UBE2R2: variants seen among roughly 807,000 people sequenced by gnomAD.
The protein encoded by UBE2R2 is ubiquitin conjugating enzyme E2 R2.
UBE2R2 carries 1 observed loss-of-function variant against 27.8 expected under a neutral mutation model. That is an observed-to-expected ratio of 0.04 (90% CI 0.01 to 0.17). The LOEUF is 0.17. Among genes scored for constraint, UBE2R2 ranks in the 10% least tolerant of loss-of-function variants. The pLI, the probability that UBE2R2 is intolerant of heterozygous loss-of-function variation, is 1.00. For missense variants in UBE2R2, 100 were observed against 291.0 expected (o/e 0.34, Z 4.78); for synonymous variants, 106 against 113.3 (o/e 0.94, Z 0.41).
chr9:33,901,775 T>C (rs754806700), intron 3 of UBE2R2, among the ~76,000 whole-genome samples: 3 of 152,182 alleles, frequency 2.0e-5, no homozygotes, highest in African/African-American at 7.2e-5. Flanking sequence ...AAAATAGATA[T>C]ATTAAAGATT....
At chr9:33,896,498 A>G (rs1371580490) in intron 2 of UBE2R2, among the ~76,000 whole-genome samples, 6 of 151,534 alleles carry the variant, frequency 4.0e-5, no homozygotes. Context: ...TCTGGAGTGC[A>G]GTAATACGAT....
intron 1 of UBE2R2, among the ~76,000 whole-genome samples, chr9:33,821,056 T>C (rs1825973383): frequency 6.6e-6 from 1 of 152,238 alleles, no homozygotes; most frequent in African/African-American, 2.4e-5. Context: ...TAGTTTCTTA[T>C]TTTGCTACCT....
At chr9:33,870,398 C>A (rs1214966330) in intron 1 of UBE2R2, among the ~76,000 whole-genome samples, 1 of 152,182 alleles carries the variant, frequency 6.6e-6, no homozygotes, top group Non-Finnish European at 1.5e-5. Flanking sequence ...CCACCTCGGC[C>A]TCCCAAAATG....
At chr9:33,912,169 C>G (rs1486692408) in intron 4 of UBE2R2, 71 bp downstream of exon 4, 6 of 1,339,060 alleles carry the variant, frequency 4.5e-6, no homozygotes, top group Non-Finnish European at 6.2e-6. Flanking sequence ...GGGTTTAAAT[C>G]AAACTTAAAT....
chr9:33,849,606 C>T lies in UBE2R2; in HGVS notation c.177+31672C>T, dbSNP rs550898123. Reference sequence around the variant, plus strand: ...TGGATGGACGCCTGTAATCCCAGCACTTTGGGAGGCTGAGGCAGGCAGGGT... The same window carrying T: ...TGGATGGACGCCTGTAATCCCAGCATTTTGGGAGGCTGAGGCAGGCAGGGT... On this transcript the variant is annotated intron_variant, in intron 1 of 4. Transcript: ENST00000263228. Among the ~76,000 whole-genome samples, 7 of 151,472 alleles carry T rather than the reference C, an allele frequency of 4.6e-5. No homozygotes were observed. In the South Asian group the frequency reaches 1.5e-3, roughly 32 times the overall value.
chr9:33,872,418 G>T (rs575932107), intron 1 of UBE2R2, among the ~76,000 whole-genome samples: 1 of 152,228 alleles, frequency 6.6e-6, no homozygotes, highest in Admixed American at 6.5e-5. Context: ...CTCTTTCAGA[G>T]CAGTTTTTAG....
chr9:33,904,443 A>G (rs1822308194), intron 3 of UBE2R2, among the ~76,000 whole-genome samples: 1 of 152,230 alleles, frequency 6.6e-6, no homozygotes, highest in African/African-American at 2.4e-5. Context: ...TCTCACTGGC[A>G]TCTGAAAGTG....
Position 33,919,917 on chromosome 9 carries a change from T to G in UBE2R2, c.*2680T>G, listed in dbSNP as rs1447508898. 1 of 152,208 alleles carries G rather than the reference T, an allele frequency of 6.6e-6. No homozygotes were observed. The allele number at this position is 152,208 out of a possible 1,614,324, so 9.4% of individuals were successfully genotyped here. On this transcript the variant is annotated 3_prime_UTR_variant, in exon 5 of 5. Coordinates refer to ENST00000263228, the MANE Select transcript of UBE2R2 (RefSeq NM_017811.4). ...GAGGCTGGGTGGAGAAGTATATGAT[T>G]CTGCTGTTGATTCTTTCAGTCTTCC...
In UBE2R2 at chr9:33,918,126, TGG is replaced by T. The variant is rs965625956; in HGVS notation, c.*894_*895del. ...CTATGCTAAGTTTGGTTGATGCTAC[TGG>T]GGGGAAAAAGTTGAAACTACTGGTG... On this transcript the variant is annotated 3_prime_UTR_variant, in exon 5 of 5. Transcript: ENST00000263228. The T allele has an allele frequency of 6.5e-6, 1 of 153,090 alleles. No individual in the cohort carries two copies. Among genetic ancestry groups the T allele is most frequent in the Non-Finnish European group, 1.5e-5 (1 of 67,992 alleles). 9.5% of individuals were successfully genotyped at this position (153,090 alleles called of 1,614,324 possible). A position where few individuals can be genotyped will look rare whatever the true frequency, so the allele number is the denominator to read the frequency against.
At chr9:33,853,781 T>C (rs1296776429) in intron 1 of UBE2R2, among the ~76,000 whole-genome samples, 1 of 149,334 alleles carries the variant, frequency 6.7e-6, no homozygotes, top group Non-Finnish European at 1.5e-5. Context: ...CCAATTTTTT[T>C]TTTTTTTTTT....
chr9:33,816,016 G>A (rs1160620031), upstream of UBE2R2, among the ~76,000 whole-genome samples: 1 of 152,092 alleles, frequency 6.6e-6, no homozygotes, highest in African/African-American at 2.4e-5. Context: ...GGAGGTTGCA[G>A]TGGGCCATGA....
At chr9:33,902,501 A>G (rs564751958) in intron 3 of UBE2R2, among the ~76,000 whole-genome samples, 5 of 152,314 alleles carry the variant, frequency 3.3e-5, no homozygotes, top group African/African-American at 9.6e-5. Context: ...TTTGGGTCTA[A>G]TGTGAAGCAG....
chr9:33,874,049 G>A (rs964482444), intron 1 of UBE2R2, among the ~76,000 whole-genome samples: 2 of 151,478 alleles, frequency 1.3e-5, no homozygotes, highest in African/African-American at 4.8e-5. Context: ...CCGAGTTCAA[G>A]CAATTCTCCT....
At chr9:33,816,030 C>T (rs929711360), upstream of UBE2R2, among the ~76,000 whole-genome samples, 1 of 151,988 alleles carries the variant, frequency 6.6e-6, no homozygotes, top group Admixed American at 6.6e-5. Flanking sequence ...GCCATGATCG[C>T]GCCACTGTGC....
At chr9:33,832,316 AAAAG>A (rs531009988) in intron 1 of UBE2R2, among the ~76,000 whole-genome samples, 11,495 of 148,880 alleles carry the variant, frequency 0.077, 620 homozygotes, top group Non-Finnish European at 0.12. Context: ...CTCAAAAAAA[AAAAG>A]AAAAGAAAAG....
At chr9:33,890,622 C>T (rs1469454460) in intron 2 of UBE2R2, among the ~76,000 whole-genome samples, 1 of 151,870 alleles carries the variant, frequency 6.6e-6, no homozygotes, top group East Asian at 1.9e-4. Flanking sequence ...CCAGCCTGGC[C>T]AACATGGTGG....
chr9:33,861,219 C>T lies in UBE2R2; in HGVS notation c.178-25662C>T, dbSNP rs1285251655. Among the ~76,000 whole-genome samples, 4 of 150,762 alleles carry T rather than the reference C, an allele frequency of 2.7e-5. No homozygotes were observed. The East Asian group carries it at 7.9e-4, about 30-fold the overall frequency. On this transcript the variant is annotated intron_variant, in intron 1 of 4. Coordinates refer to ENST00000263228, the MANE Select transcript of UBE2R2 (RefSeq NM_017811.4). ...TCATGATCCGCCCGCCTCGGCCTCCCAAAGTGCTGGGATTACAGGCGTGAG... is the reference window on the plus strand; with the variant it reads ...TCATGATCCGCCCGCCTCGGCCTCCTAAAGTGCTGGGATTACAGGCGTGAG...
At chr9:33,847,373 G>A (rs1402916382) in intron 1 of UBE2R2, among the ~76,000 whole-genome samples, 4 of 152,192 alleles carry the variant, frequency 2.6e-5, no homozygotes, top group Admixed American at 2.6e-4. Context: ...GGGATTAGAG[G>A]CGTGTGCCAC....
At chr9:33,830,592 C>T (rs1319660009) in intron 1 of UBE2R2, among the ~76,000 whole-genome samples, 4 of 151,128 alleles carry the variant, frequency 2.6e-5, no homozygotes, top group African/African-American at 9.7e-5. Flanking sequence ...CATCGTGAAA[C>T]CCCCGTCTCT....
Sources: gnomAD v4.1 joint callset for allele counts (sites outside exome capture counted in the v4.1 genomes callset) on GRCh38, gnomAD v4.1.1 for gene constraint, MANE v1.5 for transcripts, NCBI Gene and HGNC (gene_info 2026-07-23, HGNC 2026-07-21) for gene names.